Variants in DMD observed in about 807,000 individuals in gnomAD.
The protein encoded by DMD is mutant dystrophin.
In DMD, 63 loss-of-function variants were observed where a neutral mutation model predicts 330.1. The ratio of observed to expected loss-of-function variants is 0.19; its 90% CI spans 0.16 to 0.24. The LOEUF (loss-of-function observed/expected upper bound fraction) is 0.24, where lower values mean the gene tolerates loss of function less well. Ranked by LOEUF, DMD falls within the 10% of genes least tolerant of loss-of-function variation. The probability of loss-of-function intolerance (pLI) is 1.00; values close to 1 mark genes in which losing one functional copy is unlikely to be tolerated. For missense variants in DMD, 3,344 were observed against 2,684.1 expected, an observed-to-expected ratio of 1.25 and a Z score of -5.43; for synonymous variants, 1,223 against 959.8, an observed-to-expected ratio of 1.27 and a Z score of -5.07.
chrX:32,199,233 T>A (rs2097020940), intron 44 of DMD, among the ~76,000 whole-genome samples: 1 of 111,593 alleles, frequency 9.0e-6, no homozygotes, highest in Admixed American at 9.6e-5. Context: ...TTGAGAAGCT[T>A]TCTCCTGAGG....
intron 2 of DMD, among the ~76,000 whole-genome samples, chrX:32,914,149 A>G (rs948553911): frequency 9.0e-6 from 1 of 111,695 alleles, no homozygotes; most frequent in African/African-American, 3.3e-5. Flanking sequence ...TCCCCCCATC[A>G]AGCATCATTA....
At chrX:31,862,978 C>G (rs2093732557) in intron 48 of DMD, among the ~76,000 whole-genome samples, 1 of 112,885 alleles carries the variant, frequency 8.9e-6, no homozygotes, top group Non-Finnish European at 1.9e-5. Context: ...ACTATAAAAC[C>G]TTTGTCCAGT....
At chrX:32,906,342 T>G (rs1018213562) in intron 2 of DMD, among the ~76,000 whole-genome samples, 9 of 111,898 alleles carry the variant, frequency 8.0e-5, no homozygotes, top group Non-Finnish European at 1.5e-4. Flanking sequence ...AGAAGCTTCC[T>G]GAGGCCGCCC....
intron 44 of DMD, among the ~76,000 whole-genome samples, chrX:32,157,117 A>C (rs972910383): frequency 8.9e-6 from 1 of 112,515 alleles, no homozygotes; most frequent in Non-Finnish European, 1.9e-5. Context: ...AGCACACACA[A>C]AACAAAACAG....
At chrX:32,572,851 T>A (rs910709014) in intron 15 of DMD, among the ~76,000 whole-genome samples, 2 of 111,272 alleles carry the variant, frequency 1.8e-5, no homozygotes, top group East Asian at 5.6e-4. Context: ...GCACAATCCC[T>A]TTCATGATGA....
At chrX:32,231,108 G>T (rs962256008) in intron 43 of DMD, among the ~76,000 whole-genome samples, 1 of 111,839 alleles carries the variant, frequency 8.9e-6, no homozygotes, top group African/African-American at 3.2e-5. Flanking sequence ...ATTGTAATTG[G>T]GCAAACCAAA....
At chrX:31,531,594 A>G (rs1043081951) in intron 55 of DMD, among the ~76,000 whole-genome samples, 1 of 95,487 alleles carries the variant, frequency 1.0e-5, no homozygotes, top group African/African-American at 4.1e-5. Flanking sequence ...TCAGATGAGT[A>G]GGTTGCGGAA....
Position 32,323,152 on chromosome X carries a change from T to C in DMD, c.5923-12876A>G, listed in dbSNP as rs921527050. On this transcript the variant is annotated intron_variant, in intron 41 of 78. Coordinates refer to ENST00000357033, the MANE Select transcript of DMD (RefSeq NM_004006.3). ...CCTAAACAATACTGCATAACAACTA[T>C]TTACATAGCATTTACATTGTATTGG... 2.7e-5 allele frequency among the ~76,000 whole-genome samples: 3 copies of C among 112,109 alleles called. No homozygotes were observed. The East Asian group carries it at 8.4e-4, about 31-fold the overall frequency.
intron 55 of DMD, among the ~76,000 whole-genome samples, chrX:31,603,449 G>C (rs1455782338): frequency 9.0e-6 from 1 of 111,475 alleles, no homozygotes; most frequent in Non-Finnish European, 1.9e-5. Context: ...ATACATACCA[G>C]GTACCAGAAT....
intron 51 of DMD, among the ~76,000 whole-genome samples, chrX:31,758,793 T>G (rs1015725869): frequency 6.2e-5 from 7 of 112,102 alleles, no homozygotes; most frequent in Non-Finnish European, 1.3e-4. Context: ...GACTGTTATT[T>G]TGACTGATAA....
chrX:31,192,751 T>G (rs929384671), intron 67 of DMD, among the ~76,000 whole-genome samples: 1 of 112,121 alleles, frequency 8.9e-6, no homozygotes, highest in African/African-American at 3.2e-5. Flanking sequence ...ATTTTAATAC[T>G]GAAATATATG....
At chrX:32,998,545 A>G (rs1247284262) in intron 2 of DMD, among the ~76,000 whole-genome samples, 6 of 109,889 alleles carry the variant, frequency 5.5e-5, no homozygotes, top group African/African-American at 2.0e-4. Context: ...TCTCAAATTT[A>G]CCTGACTTGA....
chrX:31,825,378 G>C (rs957015030), intron 49 of DMD, among the ~76,000 whole-genome samples: 2 of 111,699 alleles, frequency 1.8e-5, no homozygotes, highest in Non-Finnish European at 3.8e-5. Context: ...GAGATAGAGA[G>C]AAAAGGAGAG....
At chrX:31,649,079 G>GCTAA (rs2080284614) in intron 54 of DMD, among the ~76,000 whole-genome samples, 1 of 111,082 alleles carries the variant, frequency 9.0e-6, no homozygotes, top group Admixed American at 9.6e-5. Flanking sequence ...AACATTAATG[G>GCTAA]TTCAATTAAA....
At chrX:32,170,004 T>G (rs773265683) in intron 44 of DMD, among the ~76,000 whole-genome samples, 1 of 111,983 alleles carries the variant, frequency 8.9e-6, no homozygotes, top group East Asian at 2.8e-4. Context: ...AATGTTGTGA[T>G]AAGCTATTTT....
intron 44 of DMD, among the ~76,000 whole-genome samples, chrX:32,209,247 G>A (rs2032418): frequency 0.13 from 14,039 of 110,711 alleles, 1,024 homozygotes; most frequent in East Asian, 0.36. Context: ...GCATGTGTGC[G>A]TACGTGTGTG....
rs142277721 is a variant in DMD at position 32,089,581 on chromosome X, C to A, written c.6439-121067G>T. Among the ~76,000 whole-genome samples, 925 of 111,577 alleles carry A rather than the reference C, an allele frequency of 8.3e-3. 5 individuals carry two copies. Among genetic ancestry groups the A allele is most frequent in the African/African-American group, 0.028 (851 of 30,682 alleles). ...ATATAAGTTTGCTAAGGATAATGGC[C>A]ACTGGCTCCATCCATGTCGCTGCAA... On this transcript the variant is annotated intron_variant, in intron 44 of 78. Transcript: ENST00000357033.
At chrX:31,918,208 T>C (rs979226243) in intron 47 of DMD, among the ~76,000 whole-genome samples, 4 of 112,345 alleles carry the variant, frequency 3.6e-5, no homozygotes, top group Non-Finnish European at 5.6e-5. Context: ...AGTATGATAG[T>C]ATATATTGTG....
chrX:31,486,311 A>G, intron 57 of DMD, among the ~76,000 whole-genome samples: 1 of 112,472 alleles, frequency 8.9e-6, no homozygotes, highest in East Asian at 2.8e-4. Context: ...ATGAAGGCCA[A>G]GTTGATTTAG....
Sources: allele counts gnomAD v4.1 joint callset (sites outside exome capture counted in the v4.1 genomes callset), GRCh38; gene constraint gnomAD v4.1.1; transcripts MANE v1.5; gene names NCBI Gene and HGNC (gene_info 2026-07-23, HGNC 2026-07-21).